The following PTPRD variants were observed in gnomAD, a reference collection of about 807,000 sequenced individuals.
PTPRD encodes the protein protein tyrosine phosphatase receptor type D.
PTPRD carries 34 observed loss-of-function variants against 214.5 expected under a neutral mutation model. The ratio of observed to expected loss-of-function variants is 0.16; its 90% CI spans 0.12 to 0.21. The LOEUF (loss-of-function observed/expected upper bound fraction) is 0.21, where lower values mean the gene tolerates loss of function less well. Ranked by LOEUF, PTPRD falls within the 10% of genes least tolerant of loss-of-function variation. The pLI, the probability that PTPRD is intolerant of heterozygous loss-of-function variation, is 1.00. For synonymous variants in PTPRD, 1,128 were observed against 845.7 expected (o/e 1.33, Z -5.79); for missense variants, 2,545 against 2,398.7 (o/e 1.06, Z -1.27).
At chr9:9,820,133 C>T (rs955373831) in intron 5 of PTPRD, among the ~76,000 whole-genome samples, 3 of 152,142 alleles carry the variant, frequency 2.0e-5, no homozygotes, top group African/African-American at 7.2e-5. Context: ...CTTGAAACCA[C>T]ACCTTGCTAC....
chr9:9,298,639 A>G lies in PTPRD; in HGVS notation c.-203+98810T>C, dbSNP rs541436159. ...CAAATCAGTAGAGGAGCAATAAAGA[A>G]GCTGAAGCAGGAGGGAAAAGATAAG... On this transcript the variant is annotated intron_variant, in intron 9 of 45. Transcript: ENST00000381196. Among the ~76,000 whole-genome samples the G allele has an allele frequency of 3.3e-5, 5 of 151,930 alleles. No individual in the cohort carries two copies. The East Asian group carries it at 9.7e-4, about 30-fold the overall frequency.
chr9:9,637,284 T>C (rs2095802466), intron 7 of PTPRD, among the ~76,000 whole-genome samples: 2 of 152,050 alleles, frequency 1.3e-5, no homozygotes, highest in African/African-American at 4.8e-5. Context: ...AAGTCCAGAG[T>C]TTCATTTAAA....
At chr9:9,650,994 A>G (rs1057396867) in intron 7 of PTPRD, among the ~76,000 whole-genome samples, 1 of 152,090 alleles carries the variant, frequency 6.6e-6, no homozygotes, top group African/African-American at 2.4e-5. Context: ...TTATACAAAT[A>G]ATTTATCTTC....
chr9:8,403,715 A>G (rs992694521), intron 36 of PTPRD, among the ~76,000 whole-genome samples: 4 of 152,254 alleles, frequency 2.6e-5, no homozygotes, highest in Admixed American at 1.3e-4. Flanking sequence ...TCTAAGAGGC[A>G]GATTACCAAG....
At chr9:9,678,868 C>T (rs924050025) in intron 7 of PTPRD, among the ~76,000 whole-genome samples, 1 of 151,726 alleles carries the variant, frequency 6.6e-6, no homozygotes, top group South Asian at 2.1e-4. Flanking sequence ...ACACTACAGG[C>T]AAAGGGAAGA....
intron 35 of PTPRD, among the ~76,000 whole-genome samples, chr9:8,428,957 C>T (rs1383265130): frequency 6.6e-6 from 1 of 152,080 alleles, no homozygotes; most frequent in East Asian, 1.9e-4. Context: ...GTGGTCATTG[C>T]TTAGATGACA....
chr9:10,125,382 A>G lies in PTPRD; in HGVS notation c.-544-91592T>C, dbSNP rs575555318. 1.5e-3 allele frequency among the ~76,000 whole-genome samples: 222 copies of G among 147,600 alleles called. 1 individual carries two copies. The highest frequency in any genetic ancestry group is 5.3e-3 in the African/African-American group (216 of 40,468). On this transcript the variant is annotated intron_variant, in intron 3 of 45. Coordinates refer to ENST00000381196, the MANE Select transcript of PTPRD (RefSeq NM_002839.4). ...TCATTTCTTTTTTCTTTTCGTTTTT[A>G]TCTTCTTTTTTATTTTTTATTTTTA...
chr9:10,391,865 C>T (rs1044289246), intron 2 of PTPRD, among the ~76,000 whole-genome samples: 29 of 151,928 alleles, frequency 1.9e-4, no homozygotes, highest in African/African-American at 6.3e-4. Context: ...CACTGCTACT[C>T]ATGGCATCTT....
intron 6 of PTPRD, among the ~76,000 whole-genome samples, chr9:9,743,900 C>G (rs1005758062): frequency 6.6e-5 from 10 of 152,080 alleles, no homozygotes; most frequent in African/African-American, 2.4e-4. Flanking sequence ...TCCGATAAAT[C>G]TATACATTGT....
intron 7 of PTPRD, among the ~76,000 whole-genome samples, chr9:9,687,228 T>C (rs1564544567): frequency 6.6e-6 from 1 of 151,824 alleles, no homozygotes; most frequent in Non-Finnish European, 1.5e-5. Context: ...TTTAAAACCT[T>C]GAGACATTTG....
At chr9:10,574,137 CA>C (rs1320572187) in intron 2 of PTPRD, among the ~76,000 whole-genome samples, 3 of 151,942 alleles carry the variant, frequency 2.0e-5, no homozygotes, top group Non-Finnish European at 4.4e-5. Context: ...ACATCTATAA[CA>C]AATACAATGA....
intron 2 of PTPRD, among the ~76,000 whole-genome samples, chr9:10,529,736 G>A (rs1590152579): frequency 6.7e-6 from 1 of 150,260 alleles, no homozygotes; most frequent in East Asian, 2.0e-4. Context: ...TAAAAAGAAT[G>A]AGTTCATGTC....
intron 11 of PTPRD, among the ~76,000 whole-genome samples, chr9:8,768,305 C>G (rs1020732471): frequency 2.0e-5 from 3 of 152,180 alleles, no homozygotes; most frequent in Admixed American, 6.5e-5. Flanking sequence ...AATCCCAACA[C>G]TTTGGGAGGC....
rs532371536 is a variant in PTPRD, at chr9:10,203,470, A to G, written c.-545+137493T>C. Among the ~76,000 whole-genome samples the G allele has an allele frequency of 3.0e-3, 455 of 152,192 alleles. 3 individuals carry two copies. Among genetic ancestry groups the G allele is most frequent in the African/African-American group, 9.1e-3 (379 of 41,524 alleles). On this transcript the variant is annotated intron_variant, in intron 3 of 45. Coordinates refer to ENST00000381196, the MANE Select transcript of PTPRD (RefSeq NM_002839.4). ...TCATTGATGAAAAGGCCACACCCAC[A>G]TTTTGAAGCAGAAACTTGAATGTTG...
chr9:9,994,097 GAT>G (rs1488503287), intron 4 of PTPRD, among the ~76,000 whole-genome samples: 101 of 152,274 alleles, frequency 6.6e-4, no homozygotes, highest in African/African-American at 2.3e-3. Flanking sequence ...AACTGCCTCA[GAT>G]GATAGCTAGT....
At chr9:9,985,773 G>T (rs1036361704) in intron 4 of PTPRD, among the ~76,000 whole-genome samples, 4 of 151,550 alleles carry the variant, frequency 2.6e-5, no homozygotes, top group Non-Finnish European at 4.4e-5. Flanking sequence ...TTTTGATTAT[G>T]AAAAACATTT....
chr9:10,125,339 C>G lies in PTPRD; in HGVS notation c.-544-91549G>C, dbSNP rs1753744365. ...GGTTGTGAGGAAGAATGTGGTGAAC[C>G]AAAGGAAAATAAATCAATCATTTCT... On this transcript the variant is annotated intron_variant, in intron 3 of 45. Transcript: ENST00000381196. 6.6e-5 allele frequency among the ~76,000 whole-genome samples: 10 copies of G among 151,440 alleles called. No individual in the cohort carries two copies. The South Asian group carries it at 2.1e-3, about 32-fold the overall frequency.
At chr9:8,405,231 C>T (rs1366641580) in intron 35 of PTPRD, among the ~76,000 whole-genome samples, 1 of 152,016 alleles carries the variant, frequency 6.6e-6, no homozygotes, top group African/African-American at 2.4e-5. Flanking sequence ...AAATAGTTAA[C>T]ACGAACAGTA....
chr9:9,718,289 G>A (rs2154430607), intron 7 of PTPRD, among the ~76,000 whole-genome samples: 1 of 152,306 alleles, frequency 6.6e-6, no homozygotes. Context: ...GGAGTTTCAT[G>A]TTCATCTCTA....
Sources: gnomAD v4.1 joint callset for allele counts (sites outside exome capture counted in the v4.1 genomes callset) on GRCh38, gnomAD v4.1.1 for gene constraint, MANE v1.5 for transcripts, NCBI Gene and HGNC (gene_info 2026-07-23, HGNC 2026-07-21) for gene names.